Variants in SLCO3A1 observed in about 807,000 individuals in gnomAD.
SLCO3A1 encodes the protein PGE1 transporter.
SLCO3A1 carries 27 observed loss-of-function variants against 63.1 expected under a neutral mutation model. The observed-to-expected ratio is 0.43, with a 90% CI of 0.32 to 0.59. SLCO3A1 has a LOEUF of 0.59. Ranked by LOEUF, SLCO3A1 falls within the 20% of genes least tolerant of loss-of-function variation. SLCO3A1 has a pLI of 0.09. For synonymous variants in SLCO3A1, 473 were observed against 409.9 expected, an observed-to-expected ratio of 1.15 and a Z score of -1.86; for missense variants, 773 against 945.8, an observed-to-expected ratio of 0.82 and a Z score of 2.40.
intron 2 of SLCO3A1, among the ~76,000 whole-genome samples, chr15:92,060,182 T>C (rs2047069433): frequency 6.6e-6 from 1 of 152,168 alleles, no homozygotes; most frequent in South Asian, 2.1e-4. Flanking sequence ...GGTGAGTGAA[T>C]GTGAATGCCT....
intron 2 of SLCO3A1, among the ~76,000 whole-genome samples, chr15:92,088,819 A>G (rs964948876): frequency 2.6e-5 from 4 of 152,014 alleles, no homozygotes; most frequent in Admixed American, 1.3e-4. Context: ...GATCCTTGTG[A>G]TAAGATTGTG....
At chr15:91,943,921 G>A (rs896399126) in intron 2 of SLCO3A1, among the ~76,000 whole-genome samples, 10 of 152,108 alleles carry the variant, frequency 6.6e-5, no homozygotes, top group African/African-American at 1.2e-4. Flanking sequence ...CATGTTGCTT[G>A]TCTTGGGTGC....
chr15:91,946,033 T>A (rs1361813602), intron 2 of SLCO3A1, among the ~76,000 whole-genome samples: 1 of 152,256 alleles, frequency 6.6e-6, no homozygotes, highest in Admixed American at 6.5e-5. Context: ...AACATATAAA[T>A]ATCACTTGGT....
In SLCO3A1 at chr15:91,897,788, C is replaced by G. The variant is rs1236743046; in HGVS notation, c.181-18205C>G. ...GTGTTAAGGGCAGTGTTGGAACAGACTGTTCTCTCTATTTTCTGACCTGCT... is the reference window on the plus strand; with the variant it reads ...GTGTTAAGGGCAGTGTTGGAACAGAGTGTTCTCTCTATTTTCTGACCTGCT... On this transcript the variant is annotated intron_variant, in intron 1 of 9. Coordinates refer to ENST00000318445, the MANE Select transcript of SLCO3A1 (RefSeq NM_013272.4). The surrounding 1 kb of genome is among the most constrained non-coding windows in gnomAD (Gnocchi z 4.7). Among the ~76,000 whole-genome samples, 1 of 152,168 alleles carries G rather than the reference C, an allele frequency of 6.6e-6. No individual in the cohort carries two copies. Among genetic ancestry groups the G allele is most frequent in the African/African-American group, 2.4e-5 (1 of 41,432 alleles).
intron 2 of SLCO3A1, among the ~76,000 whole-genome samples, chr15:92,045,279 C>CAAAAAAA (rs11400205): frequency 7.7e-6 from 1 of 129,522 alleles, no homozygotes; most frequent in African/African-American, 2.9e-5. Flanking sequence ...GACTCCATCT[C>CAAAAAAA]AAAAAAAAAA....
rs141045089 is a variant in SLCO3A1, at chr15:92,039,176, A to G, written c.647-55705A>G. 4.3e-3 allele frequency among the ~76,000 whole-genome samples: 660 copies of G among 152,358 alleles called. 6 individuals are homozygous for G. The highest frequency in any genetic ancestry group is 0.015 in the African/African-American group (633 of 41,586). On this transcript the variant is annotated intron_variant, in intron 2 of 9. Transcript: ENST00000318445. ...ATTAAGGACATAGGCATGGGCAAAGACTTCATGACAAAAATGCCAAAAGCA... is the reference window on the plus strand; with the variant it reads ...ATTAAGGACATAGGCATGGGCAAAGGCTTCATGACAAAAATGCCAAAAGCA...
chr15:92,021,542 G>T (rs1304113480), intron 2 of SLCO3A1, among the ~76,000 whole-genome samples: 7 of 152,190 alleles, frequency 4.6e-5, no homozygotes, highest in Non-Finnish European at 8.8e-5. Flanking sequence ...CAAGGCAAGA[G>T]GGTTTTCCTC....
intron 2 of SLCO3A1, among the ~76,000 whole-genome samples, chr15:92,042,725 G>A (rs1428724674): frequency 3.3e-5 from 5 of 152,162 alleles, no homozygotes; most frequent in Non-Finnish European, 7.3e-5. Context: ...GCCTTTCCAT[G>A]CAAAGAAGAT....
At chr15:92,130,933 C>T (rs917806910) in intron 7 of SLCO3A1, among the ~76,000 whole-genome samples, 1 of 146,600 alleles carries the variant, frequency 6.8e-6, no homozygotes, top group African/African-American at 2.5e-5. Context: ...TAAAACCTTT[C>T]ACCTCCTCCT....
chr15:91,907,239 C>G (rs1032210751), intron 1 of SLCO3A1, among the ~76,000 whole-genome samples: 6 of 151,980 alleles, frequency 3.9e-5, no homozygotes, highest in African/African-American at 1.5e-4. Context: ...TGGAGTCTCA[C>G]TCTGTTGCCC....
intron 4 of SLCO3A1, among the ~76,000 whole-genome samples, chr15:92,118,948 T>A (rs2047828349): frequency 6.6e-6 from 1 of 152,256 alleles, no homozygotes; most frequent in Non-Finnish European, 1.5e-5. Flanking sequence ...CACTTAAGAC[T>A]TCTCTTTAAA....
At chr15:92,062,698 A>G (rs1012735170) in intron 2 of SLCO3A1, among the ~76,000 whole-genome samples, 1 of 152,192 alleles carries the variant, frequency 6.6e-6, no homozygotes, top group African/African-American at 2.4e-5. Context: ...GTCCAGAGGC[A>G]GTCTCTGACA....
At chr15:91,889,353 G>C in intron 1 of SLCO3A1, 2 of 352,270 alleles carry the variant, frequency 5.7e-6, no homozygotes, top group Non-Finnish European at 1.1e-5. Flanking sequence ...ACTTATCCTA[G>C]CCCTTCAATT....
chr15:92,170,256 G>C (rs374960942), downstream of SLCO3A1, among the ~76,000 whole-genome samples: 1 of 152,098 alleles, frequency 6.6e-6, no homozygotes, highest in African/African-American at 2.4e-5. Context: ...TCTACAGAAG[G>C]ATCCCAACTG....
At chr15:92,134,094 G>A (rs2048027976) in intron 7 of SLCO3A1, among the ~76,000 whole-genome samples, 2 of 152,246 alleles carry the variant, frequency 1.3e-5, no homozygotes, top group African/African-American at 4.8e-5. Flanking sequence ...GAACTGAGAA[G>A]CGCTGGCCTT....
intron 1 of SLCO3A1, among the ~76,000 whole-genome samples, chr15:91,896,038 A>G (rs1163413656): frequency 2.0e-5 from 3 of 152,230 alleles, no homozygotes; most frequent in Non-Finnish European, 4.4e-5. Flanking sequence ...AAAGAAGCCT[A>G]AATCCTTCAG....
intron 2 of SLCO3A1, among the ~76,000 whole-genome samples, chr15:91,963,401 G>A (rs764129165): frequency 2.5e-4 from 32 of 130,200 alleles, no homozygotes; most frequent in Non-Finnish European, 3.6e-4. Context: ...GTTTAACTCG[G>A]GGAGGGTGGG....
Position 91,856,181 on chromosome 15 carries a change from G to A in SLCO3A1, c.180+2093G>A, listed in dbSNP as rs141993405. 7.2e-3 allele frequency among the ~76,000 whole-genome samples: 1,088 copies of A among 152,122 alleles called. 7 individuals are homozygous for A. Among genetic ancestry groups the A allele is most frequent in the Non-Finnish European group, 9.7e-3 (660 of 67,992 alleles). ...TCGGTCCACCTGGTGGCGGCATCCT[G>A]GCACTTCTAGCCTTCGCTGATGGAA... is the stretch of plus-strand genomic sequence containing the variant. On this transcript the variant is annotated intron_variant, in intron 1 of 9. Transcript: ENST00000318445. The surrounding 1 kb of genome is among the most constrained non-coding windows in gnomAD (Gnocchi z 4.9).
intron 1 of SLCO3A1, among the ~76,000 whole-genome samples, chr15:91,887,615 A>G (rs192366865): frequency 1.9e-3 from 283 of 152,284 alleles, no homozygotes; most frequent in Non-Finnish European, 3.1e-3. Flanking sequence ...CGCAGAGGTG[A>G]TTGGCCACTT....
Sources: allele counts gnomAD v4.1 joint callset (sites outside exome capture counted in the v4.1 genomes callset), GRCh38; gene constraint gnomAD v4.1.1; non-coding constraint Gnocchi (gnomAD v3.1); transcripts MANE v1.5; gene names NCBI Gene and HGNC (gene_info 2026-07-23, HGNC 2026-07-21).